The following PDE1A variants were observed in gnomAD, a reference collection of about 807,000 sequenced individuals.
PDE1A encodes dual specificity calcium/calmodulin-dependent 3',5'-cyclic nucleotide phosphodiesterase 1A.
Under a neutral mutation model 61.7 loss-of-function variants are expected in PDE1A, and 35 were observed. The ratio of observed to expected loss-of-function variants is 0.57; its 90% confidence interval spans 0.43 to 0.75. The LOEUF (loss-of-function observed/expected upper bound fraction) is 0.75. PDE1A is among the 30% of genes least tolerant of loss of function. The pLI, the probability that PDE1A is intolerant of heterozygous loss-of-function variation, is 0.00. For missense variants in PDE1A, 597 were observed against 630.6 expected (o/e 0.95, Z 0.57); for synonymous variants, 232 against 213.2 (o/e 1.09, Z -0.77).
chr2:182,338,833 TA>T (rs1427098863), intron 1 of PDE1A, among the ~76,000 whole-genome samples: 1 of 152,190 alleles, frequency 6.6e-6, no homozygotes, highest in Non-Finnish European at 1.5e-5. Flanking sequence ...GTTTTATTTT[TA>T]ACCAGAAGGC....
intron 1 of PDE1A, among the ~76,000 whole-genome samples, chr2:182,356,642 G>A (rs1023682823): frequency 2.0e-5 from 3 of 152,008 alleles, no homozygotes; most frequent in African/African-American, 7.3e-5. Context: ...GCTGAGGTGG[G>A]AGAATCTCTT....
At position 182,264,889 on chromosome 2, in the gene PDE1A, A is replaced by ATATATATATATATATATATG. The variant is rs1223035626; in HGVS notation, c.54-476_54-475insCATATATATATATATATATA. 2.1e-3 allele frequency among the ~76,000 whole-genome samples: 297 copies of ATATATATATATATATATATG among 140,240 alleles called. 5 individuals carry two copies. In the South Asian group the frequency reaches 0.021, roughly 10 times the overall value. 92.0% of individuals were successfully genotyped at this position (140,240 alleles called of 152,430 possible). A position where few individuals can be genotyped will look rare whatever the true frequency, so the allele number is the denominator to read the frequency against. On this transcript the variant is annotated intron_variant, in intron 1 of 13. Transcript: ENST00000351439. The stretch of plus-strand genomic sequence containing the variant: ...GTGGTATATATATACATATATATAT[A>ATATATATATATATATATATG]TATGTATATATATACACCATGGAAT...
At chr2:182,657,649 TG>T in the PDE1A span, among the ~76,000 whole-genome samples, 1 of 152,174 alleles carries the variant, frequency 6.6e-6, no homozygotes, top group Non-Finnish European at 1.5e-5. Context: ...TATGTTTCCA[TG>T]GGCATATGCT....
intron 2 of PDE1A, among the ~76,000 whole-genome samples, chr2:182,493,192 C>T (rs895460202): frequency 9.9e-5 from 15 of 151,334 alleles, no homozygotes; most frequent in East Asian, 5.9e-4. Context: ...CACCCCTTAA[C>T]TGCATAAATT....
intron 1 of PDE1A, among the ~76,000 whole-genome samples, chr2:182,397,450 A>G (rs768827991): frequency 6.6e-6 from 1 of 152,166 alleles, no homozygotes; most frequent in African/African-American, 2.4e-5. Flanking sequence ...AAAATGTGTA[A>G]ATCAGAATTT....
At chr2:182,272,535 A>G (rs1386542304) in intron 1 of PDE1A, among the ~76,000 whole-genome samples, 1 of 152,186 alleles carries the variant, frequency 6.6e-6, no homozygotes, top group Admixed American at 6.5e-5. Context: ...CTCTTTTTCA[A>G]GAAGCCACTG....
the PDE1A span, among the ~76,000 whole-genome samples, chr2:182,559,138 T>TA: frequency 1.3e-5 from 2 of 152,266 alleles, no homozygotes; most frequent in South Asian, 2.1e-4. Context: ...ATCAGTTTTT[T>TA]AAAAAACCAT....
In PDE1A at chr2:182,416,362, G is replaced by T. The variant is rs940287433; in HGVS notation, c.53+10216C>A. 3.3e-5 allele frequency among the ~76,000 whole-genome samples: 5 copies of T among 152,148 alleles called. No homozygotes were observed. In the East Asian group the frequency reaches 9.7e-4, roughly 29 times the overall value. ...CCAAATGGGTGTACAGTGACACCTG[G>T]GTGTGATAATCCACACATAACTTCC... On this transcript the variant is annotated intron_variant, in intron 1 of 13. Coordinates refer to ENST00000351439, the Ensembl canonical transcript of PDE1A.
chr2:182,660,333 G>A, the PDE1A span, among the ~76,000 whole-genome samples: 3 of 152,078 alleles, frequency 2.0e-5, no homozygotes, highest in African/African-American at 7.2e-5. Flanking sequence ...GGAAGAAAGA[G>A]GAGAGTGACA....
intron 7 of PDE1A, among the ~76,000 whole-genome samples, chr2:182,218,630 A>C (rs1193818865): frequency 6.6e-6 from 1 of 152,096 alleles, no homozygotes; most frequent in Non-Finnish European, 1.5e-5. Context: ...AAGTTAAGGA[A>C]GGTCCTCTCT....
intron 8 of PDE1A, among the ~76,000 whole-genome samples, chr2:182,205,507 AT>A (rs554449826): frequency 6.6e-6 from 1 of 152,132 alleles, no homozygotes; most frequent in South Asian, 2.1e-4. Flanking sequence ...GTATATTGGA[AT>A]TTTTTTCCCA....
In PDE1A at chr2:182,485,720, TAATAG is replaced by T. The variant is rs144868120; in HGVS notation, c.101+36551_101+36555del. 3.1e-3 allele frequency among the ~76,000 whole-genome samples: 474 copies of T among 152,094 alleles called. 4 individuals carry two copies. The highest frequency in any genetic ancestry group is 0.011 in the African/African-American group (448 of 41,528). On this transcript the variant is annotated intron_variant, in intron 2 of 14. Transcript: ENST00000410103. ...AATTAATTAATACAATACATCACAT[TAATAG>T]AATAAAGGACAGAAAAGCATATCAT... is the stretch of plus-strand genomic sequence containing the variant.
At chr2:182,399,932 C>A (rs182720668) in intron 1 of PDE1A, among the ~76,000 whole-genome samples, 31 of 152,198 alleles carry the variant, frequency 2.0e-4, no homozygotes, top group Middle Eastern at 3.4e-3. Context: ...TGAAAGACTT[C>A]TAAAACAGGA....
chr2:182,248,252 C>CAAA (rs1197993496), intron 2 of PDE1A, among the ~76,000 whole-genome samples: 47 of 78,056 alleles, frequency 6.0e-4, no homozygotes, highest in African/African-American at 2.2e-3. Flanking sequence ...GCAAGACTGT[C>CAAA]AAAAAAAAAA....
At chr2:182,362,623 A>G (rs1015040666) in intron 1 of PDE1A, among the ~76,000 whole-genome samples, 1 of 151,952 alleles carries the variant, frequency 6.6e-6, no homozygotes, top group Non-Finnish European at 1.5e-5. Flanking sequence ...TTTCAAACTT[A>G]TCTATAAAAA....
intron 2 of PDE1A, among the ~76,000 whole-genome samples, chr2:182,506,137 C>G (rs965292794): frequency 3.9e-5 from 6 of 152,154 alleles, no homozygotes; most frequent in Non-Finnish European, 1.5e-5. Context: ...ATTCCCAATT[C>G]TATATAAAAT....
the PDE1A span, among the ~76,000 whole-genome samples, chr2:182,698,508 A>G: frequency 7.2e-5 from 11 of 152,234 alleles, no homozygotes; most frequent in Non-Finnish European, 1.5e-4. Flanking sequence ...AAAATATTAT[A>G]TACTATAGCA....
chr2:182,485,944 G>A (rs1169176558), intron 2 of PDE1A, among the ~76,000 whole-genome samples: 1 of 151,778 alleles, frequency 6.6e-6, no homozygotes, highest in African/African-American at 2.4e-5. Flanking sequence ...TATCAAACTG[G>A]AAGGTCTACC....
At chr2:182,631,379 T>C in the PDE1A span, among the ~76,000 whole-genome samples, 1 of 152,276 alleles carries the variant, frequency 6.6e-6, no homozygotes, top group African/African-American at 2.4e-5. Context: ...TACATATGTA[T>C]ACATGTGCCA....
Sources: gnomAD v4.1 joint callset for allele counts (sites outside exome capture counted in the v4.1 genomes callset) on GRCh38, gnomAD v4.1.1 for gene constraint, MANE v1.5 for transcripts, NCBI Gene and HGNC (gene_info 2026-07-23, HGNC 2026-07-21) for gene names.